Variants in LRP8 observed in about 807,000 individuals in gnomAD.
LRP8 encodes the protein low-density lipoprotein receptor-related protein 8.
LRP8 carries 46 observed loss-of-function variants against 111.6 expected under a neutral mutation model. The ratio of observed to expected loss-of-function variants is 0.41; its 90% CI spans 0.33 to 0.53. The LOEUF (loss-of-function observed/expected upper bound fraction) is 0.53, where lower values mean the gene tolerates loss of function less well. Ranked by LOEUF, LRP8 falls within the 20% of genes least tolerant of loss-of-function variation. The pLI is 0.20. For synonymous variants in LRP8, 464 were observed against 511.2 expected, an observed-to-expected ratio of 0.91 and a Z score of 1.24; for missense variants, 959 against 1,297.4, an observed-to-expected ratio of 0.74 and a Z score of 4.01.
Position 53,250,590 on chromosome 1 carries a change from A to T in LRP8, c.2676+100T>A. ...AGGGAAGGACGGAAGGAAGGAAGGG[A>T]GGGAAGAAAGGATGGGAAGGAAGAA... is the stretch of plus-strand genomic sequence containing the variant. On this transcript the variant is annotated intron_variant, in intron 17 of 18. Transcript: ENST00000306052. This position sits in a 1 kb window ranked among gnomAD's most constrained non-coding sequence, Gnocchi z 4.6. The T allele has an allele frequency of 1.0e-6, 1 of 999,684 alleles. No individual in the cohort carries two copies. The highest frequency in any genetic ancestry group is 2.5e-5 in the East Asian group (1 of 40,120). The allele number at this position is 999,684 out of a possible 1,614,324, so 61.9% of individuals were successfully genotyped here.
Position 53,301,631 on chromosome 1 carries a change from T to TG in LRP8, c.245-11943dup, listed in dbSNP as rs148627948. On this transcript the variant is annotated intron_variant, in intron 2 of 18. Transcript: ENST00000306052. The stretch of plus-strand genomic sequence containing the variant: ...CTGCAGTCCCAGCTACTTGGGAGGC[T>TG]GGGGTGGTCGGCTGGCTTGAGCCCG... 3.4e-3 allele frequency among the ~76,000 whole-genome samples: 518 copies of TG among 151,618 alleles called. 5 individuals are homozygous for TG. Among genetic ancestry groups the TG allele is most frequent in the African/African-American group, 0.012 (502 of 41,270 alleles).
intron 16 of LRP8, 25 bp downstream of exon 16, chr1:53,255,092 T>C: frequency 6.2e-7 from 1 of 1,612,276 alleles, no homozygotes; most frequent in Non-Finnish European, 8.5e-7. Context: ...CTCTTTTCTC[T>C]TCAGTGACTG....
intron 2 of LRP8, among the ~76,000 whole-genome samples, chr1:53,302,883 G>A (rs1374213239): frequency 1.0e-5 from 1 of 97,244 alleles, no homozygotes; most frequent in South Asian, 3.0e-4. Flanking sequence ...GATTTTTGTT[G>A]TAGAGACAGT....
At chr1:53,323,872 G>A (rs1483067245) in intron 2 of LRP8, among the ~76,000 whole-genome samples, 4 of 152,224 alleles carry the variant, frequency 2.6e-5, no homozygotes, top group African/African-American at 9.6e-5. Flanking sequence ...AATGCTATTA[G>A]TTACCATCTT....
rs1367666140 is a variant in LRP8 at position 53,250,860 on chromosome 1, C to G, written c.2506G>C (p.Val836Leu). The stretch of plus-strand genomic sequence containing the variant: ...CCACTCATGCACAGGAGGGCTATCA[C>G]CACTGGAGGAAGGACACAGGACACT... ...AVIGIIVPIV[V>L]IALLCMSGYL... The change falls in exon 17 of 19, where the codon GTG becomes CTG. Residue 836 changes from valine (V) to leucine (L), a missense_variant and splice_region_variant. Coordinates refer to ENST00000306052, the MANE Select transcript of LRP8 (RefSeq NM_004631.5). The surrounding 1 kb of genome is among the most constrained non-coding windows in gnomAD (Gnocchi z 4.6). The G allele has an allele frequency of 6.2e-7, 1 of 1,613,960 alleles. No individual in the cohort carries two copies. Among genetic ancestry groups the G allele is most frequent in the South Asian group, 1.1e-5 (1 of 91,088 alleles).
intron 2 of LRP8, among the ~76,000 whole-genome samples, chr1:53,297,105 T>C (rs1649875546): frequency 6.6e-6 from 1 of 152,166 alleles, no homozygotes; most frequent in Admixed American, 6.5e-5. Context: ...GTGATGTTCC[T>C]AAAGCCCTCA....
At position 53,250,610 on chromosome 1, in the gene LRP8, G is replaced by A; in HGVS notation, c.2676+80C>T. The stretch of plus-strand genomic sequence containing the variant: ...AAGGGAGGGAAGAAAGGATGGGAAG[G>A]AAGAAAGGATGGGAGGGGAAGAAAG... On this transcript the variant is annotated intron_variant, in intron 17 of 18. Transcript: ENST00000306052. This position sits in a 1 kb window ranked among gnomAD's most constrained non-coding sequence, Gnocchi z 4.6. The A allele has an allele frequency of 7.8e-7, 1 of 1,279,870 alleles. No individual in the cohort carries two copies. The highest frequency in any genetic ancestry group is 1.1e-6 in the Non-Finnish European group (1 of 900,534). The allele number at this position is 1,279,870 out of a possible 1,614,324, so 79.3% of individuals were successfully genotyped here. A position where few individuals can be genotyped will look rare whatever the true frequency, so the allele number is the denominator to read the frequency against.
At chr1:53,270,066 C>CTATA (rs1335164969) in intron 8 of LRP8, among the ~76,000 whole-genome samples, 1 of 152,060 alleles carries the variant, frequency 6.6e-6, no homozygotes, top group Non-Finnish European at 1.5e-5. Flanking sequence ...TTGGGTGGCT[C>CTATA]TATACAGTGT....
intron 6 of LRP8, chr1:53,272,601 T>C: frequency 1.6e-6 from 2 of 1,290,014 alleles, no homozygotes; most frequent in Non-Finnish European, 2.0e-6. Flanking sequence ...ATAACCCCTT[T>C]ACCCCTGGGC....
chr1:53,264,053 G>A, intron 10 of LRP8, 116 bp downstream of exon 10: 1 of 966,048 alleles, frequency 1.0e-6, no homozygotes, highest in South Asian at 1.6e-5. Flanking sequence ...TCTTCCCCAT[G>A]GCCTGTGTCT....
intron 3 of LRP8, 101 bp downstream of exon 3, chr1:53,289,466 A>T (rs1473599327): frequency 3.4e-6 from 5 of 1,461,618 alleles, no homozygotes; most frequent in Admixed American, 2.2e-5. Context: ...GTGGCACAGA[A>T]TGTTCAACTG....
In LRP8 at chr1:53,275,626, C is replaced by A. The variant is rs751706721; in HGVS notation, c.1006+5G>T. On this transcript the variant is annotated splice_donor_5th_base_variant and intron_variant, in intron 6 of 18. Transcript: ENST00000306052. The surrounding 1 kb of genome is among the most constrained non-coding windows in gnomAD (Gnocchi z 4.4). Reference sequence around the variant, plus strand: ...GGATGTGTTCTGTGCCCTGACCACACGCACCCTGTAGGCAGCCAGCTTCAT... The same window carrying A: ...GGATGTGTTCTGTGCCCTGACCACAAGCACCCTGTAGGCAGCCAGCTTCAT... 6.2e-7 allele frequency: 1 copy of A among 1,613,890 alleles called. No individual in the cohort carries two copies. The highest frequency in any genetic ancestry group is 8.5e-7 in the Non-Finnish European group (1 of 1,179,876).
rs901948630 is a variant in LRP8, at chr1:53,244,839, A to G, written c.*2179T>C. The G allele has an allele frequency of 2.6e-5, 4 of 152,266 alleles. No individual in the cohort carries two copies. Among genetic ancestry groups the G allele is most frequent in the Non-Finnish European group, 4.4e-5 (3 of 68,006 alleles). 9.4% of individuals were successfully genotyped at this position (152,266 alleles called of 1,614,324 possible). A position where few individuals can be genotyped will look rare whatever the true frequency, so the allele number is the denominator to read the frequency against. On this transcript the variant is annotated 3_prime_UTR_variant, in exon 19 of 19. Transcript: ENST00000306052. ...CATTTCCATGTTTTTCACTGTCATC[A>G]TTTTTCTTCAGTCAAAAATAATTTT...
In LRP8 at chr1:53,260,557, T is replaced by C; in HGVS notation, c.1963A>G (p.Asn655Asp). The change falls in exon 13 of 19, where the codon AAT becomes GAT. Residue 655 changes from asparagine (N) to aspartate (D), a missense_variant. Physicochemically the swap from Asn to Asp is conservative, Grantham distance 23 (BLOSUM62 1). Coordinates refer to ENST00000306052, the MANE Select transcript of LRP8 (RefSeq NM_004631.5). ...DLENEAIFSA[N>D]RLNGLEISIL... Reference sequence around the variant, plus strand: ...GAGATTTCCAGGCCATTGAGCCGATTTGCACTGAAAATGGCCTCGTTCTCC... The same window carrying C: ...GAGATTTCCAGGCCATTGAGCCGATCTGCACTGAAAATGGCCTCGTTCTCC... 2 of 1,614,204 alleles carry C rather than the reference T, an allele frequency of 1.2e-6. No individual in the cohort carries two copies. The highest frequency in any genetic ancestry group is 2.2e-5 in the South Asian group (2 of 91,086).
At chr1:53,325,655 CAA>C (rs1157621624) in intron 2 of LRP8, among the ~76,000 whole-genome samples, 1 of 152,336 alleles carries the variant, frequency 6.6e-6, no homozygotes, top group East Asian at 1.9e-4. Context: ...GGGTGACTGG[CAA>C]ACAGTCAAAA....
chr1:53,286,074 G>T (rs1315624274), intron 3 of LRP8, among the ~76,000 whole-genome samples: 2 of 152,238 alleles, frequency 1.3e-5, no homozygotes, highest in African/African-American at 4.8e-5. Context: ...CTTGGCGGCT[G>T]CCCATTGAGG....
chr1:53,276,881 A>C lies in LRP8; in HGVS notation c.694T>G (p.Phe232Val). The C allele has an allele frequency of 7.1e-7, 1 of 1,408,972 alleles. No individual in the cohort carries two copies. Among genetic ancestry groups the C allele is most frequent in the Non-Finnish European group, 9.2e-7 (1 of 1,084,404 alleles). The allele number at this position is 1,408,972 out of a possible 1,614,324, so 87.3% of individuals were successfully genotyped here. Residue 232 changes from phenylalanine (F) to valine (V), a missense_variant, in exon 5 of 19, where the codon TTT becomes GTT. Around this residue, in one of 3 missense-constraint regions of LRP8, gnomAD observed 819 missense variants for 1,097.6 expected, o/e 0.75. Transcript: ENST00000306052. ...TCGTCCGAGCGGTCCTCGCAGTCAAACTGGCGGTCGCAGACCCAGCGCTCC... is the reference window on the plus strand; with the variant it reads ...TCGTCCGAGCGGTCCTCGCAGTCAACCTGGCGGTCGCAGACCCAGCGCTCC... Reference protein sequence around the residue: ...IPERWVCDRQFDCEDRSDEAA... With the variant: ...IPERWVCDRQVDCEDRSDEAA...
chr1:53,261,279 A>G (rs1646328267), intron 12 of LRP8, among the ~76,000 whole-genome samples: 1 of 152,258 alleles, frequency 6.6e-6, no homozygotes, highest in South Asian at 2.1e-4. Context: ...CTTTACATGT[A>G]CATGCCATGT....
intron 3 of LRP8, 102 bp downstream of exon 3, chr1:53,289,464 GA>G: frequency 6.9e-7 from 1 of 1,454,070 alleles, no homozygotes; most frequent in Non-Finnish European, 9.2e-7. Context: ...GCGTGGCACA[GA>G]ATGTTCAACT....
Sources: allele counts gnomAD v4.1 joint callset (sites outside exome capture counted in the v4.1 genomes callset), GRCh38; gene constraint gnomAD v4.1.1; regional missense constraint gnomAD v4.1.1; non-coding constraint Gnocchi (gnomAD v3.1); transcripts MANE v1.5; gene names NCBI Gene and HGNC (gene_info 2026-07-23, HGNC 2026-07-21).